SPIDR: variants seen among roughly 807,000 people sequenced by gnomAD.
The protein encoded by SPIDR is scaffold protein involved in DNA repair.
SPIDR carries 93 observed loss-of-function variants against 104.6 expected under a neutral mutation model. The ratio of observed to expected loss-of-function variants is 0.89; its 90% CI spans 0.75 to 1.06. The LOEUF (loss-of-function observed/expected upper bound fraction) is 1.06. Ranked by LOEUF, SPIDR falls within the 50% of genes least tolerant of loss-of-function variation. The pLI is 0.00. For missense variants in SPIDR, 1,154 were observed against 1,111.2 expected (o/e 1.04, Z -0.55); for synonymous variants, 431 against 416.9 (o/e 1.03, Z -0.41).
intron 8 of SPIDR, among the ~76,000 whole-genome samples, chr8:47,583,391 C>T (rs1456140913): frequency 2.0e-5 from 3 of 151,636 alleles, no homozygotes; most frequent in East Asian, 3.9e-4. Context: ...TGACTTATCA[C>T]GTGAGATTTA....
intron 5 of SPIDR, among the ~76,000 whole-genome samples, chr8:47,310,438 A>G (rs1197600416): frequency 1.3e-5 from 2 of 152,152 alleles, no homozygotes; most frequent in Non-Finnish European, 2.9e-5. Flanking sequence ...AGAGGGGCAC[A>G]TGTCGGACTA....
intron 8 of SPIDR, among the ~76,000 whole-genome samples, chr8:47,587,403 A>G (rs2060362256): frequency 6.6e-6 from 1 of 152,034 alleles, no homozygotes; most frequent in South Asian, 2.1e-4. Flanking sequence ...CAGGACTTCA[A>G]GGCCAGTCTG....
At chr8:47,511,739 G>A (rs1454862644) in intron 8 of SPIDR, 6 of 1,283,092 alleles carry the variant, frequency 4.7e-6, no homozygotes, top group African/African-American at 1.5e-5. Context: ...TTGGTCACTC[G>A]CTCCACAGCT....
chr8:47,274,706 A>G (rs1476068956), intron 1 of SPIDR, among the ~76,000 whole-genome samples: 1 of 151,314 alleles, frequency 6.6e-6, no homozygotes, highest in Non-Finnish European at 1.5e-5. Context: ...CCTCCTGAGT[A>G]GCTGTGATTA....
intron 5 of SPIDR, among the ~76,000 whole-genome samples, chr8:47,394,496 C>T (rs782094776): frequency 1.8e-4 from 27 of 152,254 alleles, no homozygotes; most frequent in Non-Finnish European, 2.8e-4. Context: ...TGGCAACTTC[C>T]GGAGACCTTT....
chr8:47,281,953 G>A (rs2037871842), intron 2 of SPIDR, among the ~76,000 whole-genome samples: 1 of 152,204 alleles, frequency 6.6e-6, no homozygotes, highest in Admixed American at 6.6e-5. Flanking sequence ...ATGATCCATA[G>A]TCTGCAGAAT....
chr8:47,632,106 G>C (rs1039266016), intron 10 of SPIDR, among the ~76,000 whole-genome samples: 1 of 152,096 alleles, frequency 6.6e-6, no homozygotes, highest in Non-Finnish European at 1.5e-5. Flanking sequence ...CAGGGGGAAG[G>C]GTGGCTAGGA....
intron 7 of SPIDR, among the ~76,000 whole-genome samples, chr8:47,428,892 C>T (rs563414164): frequency 6.6e-6 from 1 of 152,274 alleles, no homozygotes; most frequent in Non-Finnish European, 1.5e-5. Context: ...GGATTATCTC[C>T]AGCTTCCCTC....
chr8:47,278,997 C>G (rs1032862821), intron 1 of SPIDR, among the ~76,000 whole-genome samples: 4 of 151,884 alleles, frequency 2.6e-5, no homozygotes, highest in Admixed American at 2.6e-4. Flanking sequence ...AGCGATCCTC[C>G]TGGTTCAGCC....
chr8:47,438,221 C>T (rs1468849173), intron 7 of SPIDR, among the ~76,000 whole-genome samples: 2 of 152,138 alleles, frequency 1.3e-5, no homozygotes, highest in Non-Finnish European at 2.9e-5. Flanking sequence ...CAGAAGTGGC[C>T]ATGGAGCCCT....
intron 5 of SPIDR, among the ~76,000 whole-genome samples, chr8:47,303,644 C>T (rs1554579672): frequency 4.1e-4 from 63 of 152,320 alleles, no homozygotes; most frequent in Admixed American, 1.4e-3. Context: ...ATTCTATTAA[C>T]GTGGTGTATC....
intron 5 of SPIDR, among the ~76,000 whole-genome samples, chr8:47,340,129 T>C (rs1285927197): frequency 6.6e-6 from 1 of 152,182 alleles, no homozygotes; most frequent in African/African-American, 2.4e-5. Flanking sequence ...TTTTATATTA[T>C]GCCTTCTTTC....
intron 3 of SPIDR, among the ~76,000 whole-genome samples, chr8:47,287,780 T>G (rs2039144252): frequency 6.6e-6 from 1 of 152,220 alleles, no homozygotes; most frequent in Admixed American, 6.5e-5. Flanking sequence ...GATTTCATAT[T>G]GTTCAAACAC....
chr8:47,558,841 T>C (rs938620936), intron 8 of SPIDR, among the ~76,000 whole-genome samples: 1 of 152,116 alleles, frequency 6.6e-6, no homozygotes, highest in Non-Finnish European at 1.5e-5. Context: ...AGGGTTTCAC[T>C]GTGTTAGCCG....
chr8:47,336,503 A>G (rs2049783562), intron 5 of SPIDR, among the ~76,000 whole-genome samples: 2 of 152,192 alleles, frequency 1.3e-5, no homozygotes, highest in African/African-American at 4.8e-5. Flanking sequence ...AAATGTAACA[A>G]TGTGTAACAA....
At chr8:47,424,655 A>T (rs1355382524) in intron 7 of SPIDR, among the ~76,000 whole-genome samples, 1 of 152,178 alleles carries the variant, frequency 6.6e-6, no homozygotes, top group African/African-American at 2.4e-5. Context: ...CTTCTTTGTT[A>T]TACAGGAAGA....
intron 8 of SPIDR, among the ~76,000 whole-genome samples, chr8:47,452,581 C>A (rs1158017927): frequency 6.6e-6 from 1 of 152,118 alleles, no homozygotes; most frequent in Non-Finnish European, 1.5e-5. Flanking sequence ...TAAACGTAAT[C>A]CAGCATATAA....
At chr8:47,351,444 A>G (rs1453619816) in intron 5 of SPIDR, among the ~76,000 whole-genome samples, 2 of 152,194 alleles carry the variant, frequency 1.3e-5, no homozygotes, top group Non-Finnish European at 2.9e-5. Flanking sequence ...AAAGTAGAAA[A>G]TGTGGTAAAG....
At chr8:47,310,329 A>G (rs1230389070) in intron 5 of SPIDR, among the ~76,000 whole-genome samples, 1 of 142,056 alleles carries the variant, frequency 7.0e-6, no homozygotes, top group Non-Finnish European at 1.5e-5. Flanking sequence ...ACGAGACTCC[A>G]TCTCAAAAAA....
Sources: gnomAD v4.1 joint callset for allele counts (sites outside exome capture counted in the v4.1 genomes callset) on GRCh38, gnomAD v4.1.1 for gene constraint, MANE v1.5 for transcripts, NCBI Gene and HGNC (gene_info 2026-07-23, HGNC 2026-07-21) for gene names.